The following SIRT4 variants were observed in gnomAD, a reference collection of about 807,000 sequenced individuals.
SIRT4 encodes sirtuin 4.
A neutral mutation model predicts 26.1 loss-of-function variants in SIRT4; 23 were observed. The ratio of observed to expected loss-of-function variants is 0.88; its 90% confidence interval spans 0.63 to 1.25. The LOEUF (loss-of-function observed/expected upper bound fraction) is 1.25, where lower values mean the gene tolerates loss of function less well. SIRT4 is among the 50% of genes most tolerant of loss of function. The probability of loss-of-function intolerance (pLI) is 0.00; values close to 1 mark genes in which losing one functional copy is unlikely to be tolerated. For synonymous variants in SIRT4, 155 were observed against 158.4 expected, an observed-to-expected ratio of 0.98 and a Z score of 0.16; for missense variants, 361 against 405.4, an observed-to-expected ratio of 0.89 and a Z score of 0.94.
chr12:120,308,176 T>G (rs1294960056), intron 2 of SIRT4, among the ~76,000 whole-genome samples: 1 of 146,738 alleles, frequency 6.8e-6, no homozygotes, highest in Non-Finnish European at 1.5e-5. Context: ...TTTTTTTTTT[T>G]TTTTTTTTTT....
intron 2 of SIRT4, among the ~76,000 whole-genome samples, chr12:120,305,782 G>A (rs1243053817): frequency 6.6e-6 from 1 of 151,996 alleles, no homozygotes; most frequent in Non-Finnish European, 1.5e-5. Context: ...GGAGGCTGAG[G>A]CAGGCGGATC....
the SIRT4 span, chr12:120,293,205 T>A: frequency 6.6e-6 from 1 of 152,194 alleles, no homozygotes; most frequent in Non-Finnish European, 1.5e-5. Flanking sequence ...CGGATAGACC[T>A]CATTGGCTAC....
chr12:120,304,825 ATATATATATATTTTTTTTTT>A (rs1176201903), intron 2 of SIRT4, among the ~76,000 whole-genome samples: 16 of 18,122 alleles, frequency 8.8e-4, no homozygotes, highest in South Asian at 4.8e-3. Flanking sequence ...ATATATATAT[ATATATATATATTTTTTTTTT>A]TTTTTTTTTT....
intron 1 of SIRT4, among the ~76,000 whole-genome samples, 181 bp downstream of exon 1, chr12:120,302,559 C>T (rs61665022): frequency 6.6e-6 from 1 of 151,986 alleles, no homozygotes; most frequent in Non-Finnish European, 1.5e-5. Context: ...TGTGTTTGTT[C>T]AGCTGTTCAC....
intron 2 of SIRT4, among the ~76,000 whole-genome samples, chr12:120,304,820 TA>T (rs1872678496): frequency 1.4e-4 from 1 of 7,038 alleles, no homozygotes; most frequent in African/African-American, 7.9e-4. Context: ...TATATATATA[TA>T]TATATATATA....
chr12:120,300,009 G>A (rs1347886710), upstream of SIRT4, among the ~76,000 whole-genome samples: 1 of 152,162 alleles, frequency 6.6e-6, no homozygotes, highest in Non-Finnish European at 1.5e-5. Context: ...AGCAGGCCCG[G>A]CATGGTGGCT....
upstream of SIRT4, among the ~76,000 whole-genome samples, chr12:120,300,310 A>AAGC (rs1351479705): frequency 3.9e-5 from 6 of 152,032 alleles, 1 homozygote; most frequent in East Asian, 1.2e-3. Context: ...GAAAAAAAAA[A>AAGC]AGCAGAAATG....
chr12:120,296,393 A>G, the SIRT4 span, among the ~76,000 whole-genome samples: 1 of 148,980 alleles, frequency 6.7e-6, no homozygotes, highest in Non-Finnish European at 1.5e-5. Context: ...AATTTTTTCT[A>G]TTTTTAGTAG....
chr12:120,310,344 C>T (rs1300059299), intron 2 of SIRT4, among the ~76,000 whole-genome samples: 2 of 151,822 alleles, frequency 1.3e-5, no homozygotes, highest in African/African-American at 4.8e-5. Flanking sequence ...CCAGCCTGGG[C>T]GACAGAGCAA....
intron 2 of SIRT4, among the ~76,000 whole-genome samples, chr12:120,306,214 G>A (rs1045646365): frequency 2.6e-5 from 4 of 151,984 alleles, no homozygotes; most frequent in Non-Finnish European, 4.4e-5. Flanking sequence ...GGTGGCTCGC[G>A]CCTGTAATCC....
chr12:120,303,250 C>CG (rs1872610088), intron 1 of SIRT4, among the ~76,000 whole-genome samples: 1 of 151,748 alleles, frequency 6.6e-6, no homozygotes, highest in Admixed American at 6.6e-5. Flanking sequence ...GAGGCCGAGG[C>CG]GGGCAGATCA....
At chr12:120,302,147 G>GA (rs1351973220), upstream of SIRT4, among the ~76,000 whole-genome samples, 6 of 150,840 alleles carry the variant, frequency 4.0e-5, no homozygotes, top group African/African-American at 7.3e-5. Context: ...TGAAAACAAA[G>GA]AAAAAAATCC....
At chr12:120,293,052 C>G in the SIRT4 span, 1 of 147,684 alleles carries the variant, frequency 6.8e-6, no homozygotes, top group Non-Finnish European at 1.5e-5. Context: ...AGCACCCCCA[C>G]ACACACAAAA....
chr12:120,291,815 A>T, the SIRT4 span: 1 of 152,208 alleles, frequency 6.6e-6, no homozygotes. Flanking sequence ...TCAAGTCGTC[A>T]TGGCGGGGTA....
the SIRT4 span, among the ~76,000 whole-genome samples, chr12:120,292,927 C>G: frequency 0.012 from 1,897 of 152,272 alleles, 43 homozygotes; most frequent in African/African-American, 0.043. Context: ...TTCATAAACG[C>G]AAATCACTAA....
At chr12:120,299,552 A>ATC (rs1202988999), upstream of SIRT4, among the ~76,000 whole-genome samples, 19 of 146,296 alleles carry the variant, frequency 1.3e-4, no homozygotes, top group Non-Finnish European at 2.6e-4. Context: ...ACTCTCTCAA[A>ATC]AAAAAAAAAA....
the SIRT4 span, among the ~76,000 whole-genome samples, chr12:120,296,086 C>CAAAAAAAA: frequency 7.5e-5 from 3 of 40,180 alleles, no homozygotes; most frequent in South Asian, 1.3e-3. Context: ...GACTCCGTCT[C>CAAAAAAAA]AAAAAAAAAA....
chr12:120,304,816 T>G (rs1354345556), intron 2 of SIRT4, among the ~76,000 whole-genome samples: 4 of 6,412 alleles, frequency 6.2e-4, no homozygotes. Flanking sequence ...TATATATATA[T>G]ATATATATAT....
At chr12:120,297,340 A>AAAG (rs1555327923), upstream of SIRT4, among the ~76,000 whole-genome samples, 15 of 114,152 alleles carry the variant, frequency 1.3e-4, no homozygotes, top group African/African-American at 4.7e-4. Context: ...AAAAAAAAAA[A>AAAG]AGAGAGAGAG....
Sources: allele counts gnomAD v4.1 joint callset (sites outside exome capture counted in the v4.1 genomes callset), GRCh38; gene constraint gnomAD v4.1.1; transcripts MANE v1.5; gene names NCBI Gene and HGNC (gene_info 2026-07-23, HGNC 2026-07-21).